Variants in RNF213 observed in about 807,000 individuals in gnomAD.
The protein encoded by RNF213 is ring finger protein 213.
A neutral mutation model predicts 514.4 loss-of-function variants in RNF213; 341 were observed. The observed-to-expected ratio is 0.66, with a 90% CI of 0.61 to 0.73. The LOEUF (loss-of-function observed/expected upper bound fraction) is 0.73. Ranked by LOEUF, RNF213 falls within the 30% of genes least tolerant of loss-of-function variation. RNF213 has a pLI of 0.00. For synonymous variants in RNF213, 2,655 were observed against 2,658.2 expected, an observed-to-expected ratio of 1.00 and a Z score of 0.04; for missense variants, 5,767 against 6,615.6, an observed-to-expected ratio of 0.87 and a Z score of 4.45.
At chr17:80,382,551 G>C (rs1431504866) in intron 57 of RNF213, 2 of 177,444 alleles carry the variant, frequency 1.1e-5, no homozygotes, top group Non-Finnish European at 2.4e-5. Flanking sequence ...TTTCAGCAAA[G>C]TGAGCACACC....
In RNF213 at chr17:80,309,081, C is replaced by T. The variant is rs748508079; in HGVS notation, c.2565C>T (p.Ile855=). Residue 855 remains isoleucine (I), a synonymous_variant, in exon 14 of 68, where the codon ATC becomes ATT. Transcript: ENST00000582970. ...TGTGTCTGAAACTGCATGAAGCCATCTGCAGCAGCACAAAGCTACTTAAGT... is the reference window on the plus strand; with the variant it reads ...TGTGTCTGAAACTGCATGAAGCCATTTGCAGCAGCACAAAGCTACTTAAGT... The part of the protein sequence containing the change: ...LTVCLKLHEA[I]CSSTKLLKFY... The T allele has an allele frequency of 6.2e-7, 1 of 1,614,122 alleles. No individual in the cohort carries two copies. Among genetic ancestry groups the T allele is most frequent in the African/African-American group, 1.3e-5 (1 of 74,938 alleles).
At chr17:80,329,555 A>G (rs1450144081) in intron 20 of RNF213, among the ~76,000 whole-genome samples, 2 of 152,182 alleles carry the variant, frequency 1.3e-5, no homozygotes, top group Non-Finnish European at 2.9e-5. Flanking sequence ...GAGGCTGGGC[A>G]TGTTGGCTCC....
Position 80,349,829 on chromosome 17 carries a change from C to G in RNF213, c.10011C>G (p.Val3337=). The change falls in exon 30 of 68, where the codon GTC becomes GTG. Residue 3337 remains valine (V), a synonymous_variant. Coordinates refer to ENST00000582970, the MANE Select transcript of RNF213 (RefSeq NM_001256071.3). ...SHDCEILESE[V]TGRAPKPTLL... Reference sequence around the variant, plus strand: ...ACTGTGAAATTTTAGAATCAGAGGTCACAGGCAGGGCTCCGAAACCCACAC... The same window carrying G: ...ACTGTGAAATTTTAGAATCAGAGGTGACAGGCAGGGCTCCGAAACCCACAC... 2 of 1,614,132 alleles carry G rather than the reference C, an allele frequency of 1.2e-6. No individual in the cohort carries two copies. The highest frequency in any genetic ancestry group is 2.2e-5 in the South Asian group (2 of 91,080).
intron 50 of RNF213, among the ~76,000 whole-genome samples, chr17:80,375,363 AGTT>A (rs1433095963): frequency 6.6e-6 from 1 of 152,070 alleles, no homozygotes; most frequent in African/African-American, 2.4e-5. Context: ...GCATGTGAAA[AGTT>A]TCTTTTCACA....
chr17:80,376,648 TCCTCAGTTCTCTGCCTTTGTGTCA>T (rs2079773201), intron 52 of RNF213, 105 bp downstream of exon 52: 2 of 1,477,648 alleles, frequency 1.4e-6, no homozygotes, highest in Admixed American at 3.7e-5. Flanking sequence ...CATCTTTATC[TCCTCAGTTCTCTGCCTTTGTGTCA>T]CCTGATTCTT....
At chr17:80,302,128 G>A (rs2045201126) in intron 11 of RNF213, among the ~76,000 whole-genome samples, 1 of 152,184 alleles carries the variant, frequency 6.6e-6, no homozygotes, top group Non-Finnish European at 1.5e-5. Flanking sequence ...GAGAGGCGAG[G>A]AAGGATGGGG....
intron 20 of RNF213, among the ~76,000 whole-genome samples, chr17:80,330,224 G>C (rs2046376408): frequency 1.3e-5 from 2 of 152,160 alleles, no homozygotes; most frequent in Admixed American, 1.3e-4. Flanking sequence ...TTGTTTTGGA[G>C]GTTTTGCTTT....
rs1273687705 is a variant in RNF213, at chr17:80,263,208, C to T, written c.-108-366C>T. Among the ~76,000 whole-genome samples, 1 of 152,166 alleles carries T rather than the reference C, an allele frequency of 6.6e-6. No homozygotes were observed. The highest frequency in any genetic ancestry group is 1.9e-4 in the East Asian group (1 of 5,194). ...GGAATCTGACTGCCAGCCCAGTAGC[C>T]CTGGGCTGCCTGCTCAGGCCCCATC... On this transcript the variant is annotated intron_variant, in intron 1 of 67. Transcript: ENST00000582970. The surrounding 1 kb of genome is among the most constrained non-coding windows in gnomAD (Gnocchi z 4.9).
intron 3 of RNF213, among the ~76,000 whole-genome samples, chr17:80,277,903 C>A (rs1470913695): frequency 6.6e-6 from 1 of 152,206 alleles, no homozygotes; most frequent in African/African-American, 2.4e-5. Context: ...GCAGCAGAGT[C>A]AGGTGGTCAG....
chr17:80,374,657 T>A, intron 50 of RNF213, 68 bp downstream of exon 50: 1 of 1,568,008 alleles, frequency 6.4e-7, no homozygotes, highest in Middle Eastern at 1.7e-4. Context: ...GTTCCCTGGT[T>A]TATGTCAAAT....
Position 80,319,246 on chromosome 17 carries a change from C to T in RNF213, c.2958C>T (p.Gly986=), listed in dbSNP as rs2046054757. ...AYCNSCWDTK[G]LEDSVAKTFE... ...GCAATAGTTGCTGGGACACCAAAGG[C>T]TTAGAGGACAGTGTGGCCAAGACCT... The change falls in exon 17 of 68, where the codon GGC becomes GGT. Residue 986 remains glycine, a synonymous_variant. Coordinates refer to ENST00000582970, the MANE Select transcript of RNF213 (RefSeq NM_001256071.3). 1.2e-6 allele frequency: 2 copies of T among 1,614,200 alleles called. No individual in the cohort carries two copies. The highest frequency in any genetic ancestry group is 1.7e-6 in the Non-Finnish European group (2 of 1,180,056).
chr17:80,389,067 C>G (rs1599218543), intron 64 of RNF213, 106 bp from the exon 65 acceptor site: 1 of 1,077,352 alleles, frequency 9.3e-7, no homozygotes. Context: ...GAGAGTTGGC[C>G]CCCCGCATGT....
intron 56 of RNF213, 49 bp from the exon 57 acceptor site, chr17:80,381,493 ATCTTC>A: frequency 6.3e-7 from 1 of 1,590,316 alleles, no homozygotes; most frequent in Non-Finnish European, 8.6e-7. Flanking sequence ...CAGGCTCACC[ATCTTC>A]TCTACAAACC....
In RNF213 at chr17:80,287,910, C is replaced by T. The variant is rs2044531843; in HGVS notation, c.357C>T (p.His119=). The change falls in exon 4 of 68, where the codon CAC becomes CAT. Residue 119 remains histidine (H), a synonymous_variant. Coordinates refer to ENST00000582970, the MANE Select transcript of RNF213 (RefSeq NM_001256071.3). ...CCCTTTCTCCTGCCAGCCCCTGTCA[C>T]CTGACTTTGCTTTCAAACCCGTGGC... The part of the protein sequence containing the change: ...SLPLSPASPC[H]LTLLSNPWPQ... 4 of 1,574,958 alleles carry T rather than the reference C, an allele frequency of 2.5e-6. No homozygotes were observed. Among genetic ancestry groups the T allele is most frequent in the Admixed American group, 1.9e-5 (1 of 53,340 alleles).
intron 17 of RNF213, chr17:80,321,389 T>G (rs895250484): frequency 6.6e-6 from 1 of 152,230 alleles, no homozygotes; most frequent in East Asian, 1.9e-4. Context: ...TGGCCAAATA[T>G]TCCCCGTTTA....
chr17:80,391,793 T>TG (rs1310084121), intron 67 of RNF213, among the ~76,000 whole-genome samples: 1 of 133,964 alleles, frequency 7.5e-6, no homozygotes, highest in Non-Finnish European at 1.6e-5. Context: ...TTTTTTGAGA[T>TG]GGAGTCTTGC....
rs754448949 is a variant in RNF213 at position 80,386,402 on chromosome 17, G to A, written c.14692G>A (p.Val4898Met). 8.1e-6 allele frequency: 13 copies of A among 1,613,980 alleles called. No homozygotes were observed. The highest frequency in any genetic ancestry group is 6.7e-5 in the East Asian group (3 of 44,890). ...CCTACACAATGAAATTGTCTACGCCGTGGAAAAACTCTCCAAGGAAAACAA... is the reference window on the plus strand; with the variant it reads ...CCTACACAATGAAATTGTCTACGCCATGGAAAAACTCTCCAAGGAAAACAA... ...IRLHNEIVYA[V>M]EKLSKENNSY... The change falls in exon 62 of 68, where the codon GTG (valine) becomes ATG (methionine). Residue 4898 changes from valine to methionine, a missense_variant. Val to Met is a conservative substitution (Grantham distance 21). Coordinates refer to ENST00000582970, the MANE Select transcript of RNF213 (RefSeq NM_001256071.3).
intron 37 of RNF213, among the ~76,000 whole-genome samples, chr17:80,359,497 GGGT>G (rs35985211): frequency 0.71 from 91,925 of 129,750 alleles, 33,337 homozygotes; most frequent in African/African-American, 0.82. Context: ...ACTCTAGCCT[GGGT>G]GGTGACAGAG....
intron 42 of RNF213, 81 bp downstream of exon 42, chr17:80,364,634 G>A: frequency 6.4e-7 from 1 of 1,560,862 alleles, no homozygotes; most frequent in Non-Finnish European, 8.8e-7. Flanking sequence ...GTGATCTGCG[G>A]CTGGGAGACG....
Sources: gnomAD v4.1 joint callset for allele counts (sites outside exome capture counted in the v4.1 genomes callset) on GRCh38, gnomAD v4.1.1 for gene constraint, Gnocchi (gnomAD v3.1) non-coding constraint, MANE v1.5 for transcripts, NCBI Gene and HGNC (gene_info 2026-07-23, HGNC 2026-07-21) for gene names.